The following SLC45A1 variants were observed in gnomAD, a reference collection of about 807,000 sequenced individuals.
The protein encoded by SLC45A1 is solute carrier family 45 member 1.
A neutral mutation model predicts 57.6 loss-of-function variants in SLC45A1; 28 were observed. The ratio of observed to expected loss-of-function variants is 0.49; its 90% CI spans 0.36 to 0.67. SLC45A1 has a LOEUF of 0.67. Among genes scored for constraint, SLC45A1 ranks in the 30% least tolerant of loss-of-function variants. SLC45A1 has a pLI of 0.00. For missense variants in SLC45A1, 814 were observed against 1,041.5 expected, an observed-to-expected ratio of 0.78 and a Z score of 3.01; for synonymous variants, 459 against 471.5, an observed-to-expected ratio of 0.97 and a Z score of 0.34.
In SLC45A1 at chr1:8,343,985, A is replaced by G. The variant is rs368179871; in HGVS notation, c.2219A>G (p.Glu740Gly). 5.0e-6 allele frequency: 8 copies of G among 1,611,706 alleles called. No individual in the cohort carries two copies. Among genetic ancestry groups the G allele is most frequent in the Non-Finnish European group, 6.8e-6 (8 of 1,178,486 alleles). Residue 740 changes from glutamate (E) to glycine (G), a missense_variant, in exon 9 of 9, where the codon GAG (glutamate) becomes GGG (glycine). Coordinates refer to ENST00000471889, the MANE Select transcript of SLC45A1 (RefSeq NM_001080397.3). The surrounding 1 kb of genome is among the most constrained non-coding windows in gnomAD (Gnocchi z 7.7). ...CCTCCCAGCGACGCTGCAGACGAGG[A>G]GCACCGGCCCCTCCTGCTGAACGTC... is the stretch of plus-strand genomic sequence containing the variant. ...EIPPSDAADE[E>G]HRPLLLNV
In SLC45A1 at chr1:8,335,343, T is replaced by C; in HGVS notation, c.1444-94T>C. 8.1e-7 allele frequency: 1 copy of C among 1,231,382 alleles called. No homozygotes were observed. Among genetic ancestry groups the C allele is most frequent in the Non-Finnish European group, 1.1e-6 (1 of 915,774 alleles). The allele number at this position is 1,231,382 out of a possible 1,614,324, so 76.3% of individuals were successfully genotyped here. On this transcript the variant is annotated intron_variant, in intron 5 of 8. Transcript: ENST00000471889. The surrounding 1 kb of genome is among the most constrained non-coding windows in gnomAD (Gnocchi z 4.1). ...ACAGACCCTTGCAGCCTCCGTGCGG[T>C]GTTTCCGAGAGCGCATTCCCCTGAG... is the stretch of plus-strand genomic sequence containing the variant.
At chr1:8,342,206 C>T (rs1230108536) in intron 8 of SLC45A1, among the ~76,000 whole-genome samples, 2 of 152,296 alleles carry the variant, frequency 1.3e-5, no homozygotes, top group Non-Finnish European at 2.9e-5. Flanking sequence ...GACTCCGTCT[C>T]AAATAAATAC....
In SLC45A1 at chr1:8,325,155, T is replaced by C. The variant is rs1395852387; in HGVS notation, c.398-143T>C. 9.8e-6 allele frequency: 6 copies of C among 614,304 alleles called. No individual in the cohort carries two copies. The highest frequency in any genetic ancestry group is 1.2e-5 in the Non-Finnish European group (4 of 343,426). 38.1% of individuals were successfully genotyped at this position (614,304 alleles called of 1,614,324 possible). The stretch of plus-strand genomic sequence containing the variant: ...AGCTTTGGTTTCCGAGTTCAGGGTT[T>C]TGTCACTGACTGTTTCATCATCTTA... On this transcript the variant is annotated intron_variant, in intron 2 of 8. Coordinates refer to ENST00000471889, the MANE Select transcript of SLC45A1 (RefSeq NM_001080397.3). The surrounding 1 kb of genome is among the most constrained non-coding windows in gnomAD (Gnocchi z 6.3).
At chr1:8,324,172 C>A in intron 1 of SLC45A1, 134 bp from the exon 2 acceptor site, 1 of 811,604 alleles carries the variant, frequency 1.2e-6, no homozygotes, top group Non-Finnish European at 1.9e-6. Flanking sequence ...GGCCCCGGAG[C>A]ATCAACCATG....
rs60069512 is a variant in SLC45A1 at position 8,341,199 on chromosome 1, C to CA, written c.1980+1518dup. Among the ~76,000 whole-genome samples, 368 of 64,192 alleles carry CA rather than the reference C, an allele frequency of 5.7e-3. 1 individual carries two copies. Among genetic ancestry groups the CA allele is most frequent in the East Asian group, 0.016 (34 of 2,104 alleles). The allele number at this position is 64,192 out of a possible 152,430, so 42.1% of individuals were successfully genotyped here. A position where few individuals can be genotyped will look rare whatever the true frequency, so the allele number is the denominator to read the frequency against. Reference sequence around the variant, plus strand: ...TGGGCGACAGAGCAAGACTCCGTTTCAAAAAAAAAAAAAAAAAGAGTAAGA... The same window carrying CA: ...TGGGCGACAGAGCAAGACTCCGTTTCAAAAAAAAAAAAAAAAAAGAGTAAGA... On this transcript the variant is annotated intron_variant, in intron 8 of 8. Coordinates refer to ENST00000471889, the MANE Select transcript of SLC45A1 (RefSeq NM_001080397.3).
At chr1:8,322,627 A>G (rs1640068640) in intron 1 of SLC45A1, among the ~76,000 whole-genome samples, 1 of 152,116 alleles carries the variant, frequency 6.6e-6, no homozygotes, top group African/African-American at 2.4e-5. Context: ...GTCTAGTGAT[A>G]GTGTGATGGA....
rs559573564 is a variant in SLC45A1, at chr1:8,320,657, G to GTCTCTC, written c.-25+2485_-25+2490dup. Among the ~76,000 whole-genome samples, 11 of 137,954 alleles carry GTCTCTC rather than the reference G, an allele frequency of 8.0e-5. No homozygotes were observed. The South Asian group carries it at 2.6e-3, about 32-fold the overall frequency. The allele number at this position is 137,954 out of a possible 152,430, so 90.5% of individuals were successfully genotyped here. A position where few individuals can be genotyped will look rare whatever the true frequency, so the allele number is the denominator to read the frequency against. Reference sequence around the variant, plus strand: ...ACTCTGTCTGTCTGTCTGTCTGTCTGTCTCTCTCTCTCTCTCTCTGTTTCT... The same window carrying GTCTCTC: ...ACTCTGTCTGTCTGTCTGTCTGTCTGTCTCTCTCTCTCTCTCTCTCTCTCTGTTTCT... On this transcript the variant is annotated intron_variant, in intron 1 of 8. Transcript: ENST00000471889.
chr1:8,343,622 C>A lies in SLC45A1; in HGVS notation c.1981-125C>A. ...GCTGAACTCCCTGTGCATGTTGGCGCTGAAAAATGTGAGGCCGCTGTGTGT... is the reference window on the plus strand; with the variant it reads ...GCTGAACTCCCTGTGCATGTTGGCGATGAAAAATGTGAGGCCGCTGTGTGT... On this transcript the variant is annotated intron_variant, in intron 8 of 8. Coordinates refer to ENST00000471889, the MANE Select transcript of SLC45A1 (RefSeq NM_001080397.3). The surrounding 1 kb of genome is among the most constrained non-coding windows in gnomAD (Gnocchi z 7.7). The A allele has an allele frequency of 9.9e-7, 1 of 1,011,962 alleles. No homozygotes were observed. 62.7% of individuals were successfully genotyped at this position (1,011,962 alleles called of 1,614,324 possible).
intron 8 of SLC45A1, among the ~76,000 whole-genome samples, chr1:8,342,175 C>T (rs1035166528): frequency 1.3e-5 from 2 of 152,214 alleles, no homozygotes; most frequent in African/African-American, 4.8e-5. Context: ...CCACTGCACT[C>T]CAGCCTGGGC....
At chr1:8,341,459 T>C (rs903466845) in intron 8 of SLC45A1, among the ~76,000 whole-genome samples, 8 of 145,100 alleles carry the variant, frequency 5.5e-5, no homozygotes, top group Non-Finnish European at 1.2e-4. Context: ...GGCGTGAATC[T>C]GGGAGGCGGA....
intron 5 of SLC45A1, among the ~76,000 whole-genome samples, chr1:8,334,506 G>A (rs1235561174): frequency 6.6e-6 from 1 of 152,164 alleles, no homozygotes; most frequent in Non-Finnish European, 1.5e-5. Context: ...TTTGAGATCA[G>A]TCTGGGCAAC....
chr1:8,319,630 G>C (rs950634745), intron 1 of SLC45A1, among the ~76,000 whole-genome samples: 1 of 152,184 alleles, frequency 6.6e-6, no homozygotes, highest in Non-Finnish European at 1.5e-5. Context: ...GCGAATGTTT[G>C]TATTTGTGCA....
At chr1:8,318,878 G>A (rs1481086250) in intron 1 of SLC45A1, among the ~76,000 whole-genome samples, 1 of 152,184 alleles carries the variant, frequency 6.6e-6, no homozygotes, top group Non-Finnish European at 1.5e-5. Flanking sequence ...TGCAAAGTGG[G>A]AAACGGCCAC....
In SLC45A1 at chr1:8,324,530, G is replaced by T; in HGVS notation, c.201G>T (p.Pro67=). The change falls in exon 2 of 9, where the codon CCG becomes CCT. Residue 67 remains proline, a synonymous_variant. Coordinates refer to ENST00000471889, the MANE Select transcript of SLC45A1 (RefSeq NM_001080397.3). The stretch of plus-strand genomic sequence containing the variant: ...CCCCACCCCCGCCCCCCAACACCCC[G>T]TGCCCGCTTGAGCTGGTGGACTTCG... ...RPSPPPPPNT[P]CPLELVDFGD... is the part of the protein sequence containing the mutation. The T allele has an allele frequency of 1.6e-6, 1 of 640,016 alleles. No individual in the cohort carries two copies. The highest frequency in any genetic ancestry group is 2.4e-6 in the Non-Finnish European group (1 of 414,446). 39.6% of individuals were successfully genotyped at this position (640,016 alleles called of 1,614,324 possible).
At position 8,335,259 on chromosome 1, in the gene SLC45A1, C is replaced by T. The variant is rs1331357561; in HGVS notation, c.1444-178C>T. ...TGCTCCGGGGCCTCGGAAACAATGC[C>T]CTGAATTTGTTCCTCTGAGGTTGGC... On this transcript the variant is annotated intron_variant, in intron 5 of 8. Coordinates refer to ENST00000471889, the MANE Select transcript of SLC45A1 (RefSeq NM_001080397.3). The surrounding 1 kb of genome is among the most constrained non-coding windows in gnomAD (Gnocchi z 4.1). 6.6e-6 allele frequency among the ~76,000 whole-genome samples: 1 copy of T among 152,206 alleles called. No homozygotes were observed. The highest frequency in any genetic ancestry group is 2.4e-5 in the African/African-American group (1 of 41,448).
chr1:8,344,104 G>A lies in SLC45A1; in HGVS notation c.*91G>A. On this transcript the variant is annotated 3_prime_UTR_variant, in exon 9 of 9. Coordinates refer to ENST00000471889, the MANE Select transcript of SLC45A1 (RefSeq NM_001080397.3). Reference sequence around the variant, plus strand: ...GGACCAAAGGGCCTTGTTGGACAGGGGGACTGGCTGCCTACTGGAATGTAA... The same window carrying A: ...GGACCAAAGGGCCTTGTTGGACAGGAGGACTGGCTGCCTACTGGAATGTAA... 1 of 1,239,406 alleles carries A rather than the reference G, an allele frequency of 8.1e-7. No homozygotes were observed. Among genetic ancestry groups the A allele is most frequent in the Non-Finnish European group, 1.1e-6 (1 of 897,616 alleles). The allele number at this position is 1,239,406 out of a possible 1,614,324, so 76.8% of individuals were successfully genotyped here.
At chr1:8,329,059 T>C (rs961089595) in intron 4 of SLC45A1, among the ~76,000 whole-genome samples, 4 of 151,916 alleles carry the variant, frequency 2.6e-5, no homozygotes, top group Non-Finnish European at 5.9e-5. Context: ...GACTGGAGCT[T>C]TTGAATGGAC....
intron 5 of SLC45A1, 71 bp downstream of exon 5, chr1:8,331,007 C>T (rs2124306183): frequency 6.7e-7 from 1 of 1,491,472 alleles, no homozygotes; most frequent in Middle Eastern, 1.9e-4. Context: ...AGTTACATGA[C>T]AAAGAGGGAG....
chr1:8,343,809 C>G lies in SLC45A1; in HGVS notation c.2043C>G (p.Ser681Arg). ...RGMGVDISLL[S>R]CQYFLAQILV... ...TGGGCGTGGACATCTCTCTGCTGAG[C>G]TGCCAGTACTTCCTGGCTCAGATTC... Residue 681 changes from serine to arginine, a missense_variant, in exon 9 of 9, where the codon AGC (serine) becomes AGG (arginine). Ser to Arg is a moderately radical substitution (Grantham distance 110). Coordinates refer to ENST00000471889, the MANE Select transcript of SLC45A1 (RefSeq NM_001080397.3). This position sits in a 1 kb window ranked among gnomAD's most constrained non-coding sequence, Gnocchi z 7.7. 1 of 1,614,190 alleles carries G rather than the reference C, an allele frequency of 6.2e-7. No homozygotes were observed. Among genetic ancestry groups the G allele is most frequent in the Non-Finnish European group, 8.5e-7 (1 of 1,180,018 alleles).
Sources: allele counts gnomAD v4.1 joint callset (sites outside exome capture counted in the v4.1 genomes callset), GRCh38; gene constraint gnomAD v4.1.1; non-coding constraint Gnocchi (gnomAD v3.1); transcripts MANE v1.5; gene names NCBI Gene and HGNC (gene_info 2026-07-23, HGNC 2026-07-21).